DAB1: variants seen among roughly 807,000 people sequenced by gnomAD.
The protein encoded by DAB1 is DAB adaptor protein 1, also known as disabled homolog 1.
In DAB1, 15 loss-of-function variants were observed where a neutral mutation model predicts 64.6. The ratio of observed to expected loss-of-function variants is 0.23; its 90% confidence interval spans 0.16 to 0.36. DAB1 has a LOEUF of 0.36. DAB1 is among the 10% of genes least tolerant of loss of function. The probability of loss-of-function intolerance (pLI) is 1.00; values close to 1 mark genes in which losing one functional copy is unlikely to be tolerated. For synonymous variants in DAB1, 235 were observed against 251.9 expected, an observed-to-expected ratio of 0.93 and a Z score of 0.64; for missense variants, 596 against 706.7, an observed-to-expected ratio of 0.84 and a Z score of 1.78.
intron 1 of DAB1, among the ~76,000 whole-genome samples, chr1:57,877,266 T>A (rs1644061854): frequency 6.6e-6 from 1 of 152,118 alleles, no homozygotes; most frequent in African/African-American, 2.4e-5. Context: ...AGTTGCCTAG[T>A]TTTGAAAGCC....
Position 57,566,311 on chromosome 1 carries a change from A to C in DAB1, n.625+83281T>G, listed in dbSNP as rs928897743. Among the ~76,000 whole-genome samples the C allele has an allele frequency of 5.3e-5, 8 of 152,280 alleles. 1 individual carries two copies. The South Asian group carries it at 6.2e-4, about 12-fold the overall frequency. Reference sequence around the variant, plus strand: ...GGAAATTTATAGCACTAAATGCCCAAAAGAGAAAGGAGGAAAGATCTAAAA... The same window carrying C: ...GGAAATTTATAGCACTAAATGCCCACAAGAGAAAGGAGGAAAGATCTAAAA... On this transcript the variant is annotated intron_variant and non_coding_transcript_variant, in intron 7 of 20. Transcript: ENST00000485760.
In DAB1 at chr1:57,072,546, A is replaced by G. The variant is rs560713760; in HGVS notation, c.307-132T>C. 5.0e-5 allele frequency: 42 copies of G among 847,386 alleles called. No homozygotes were observed. The East Asian group carries it at 1.1e-3, about 23-fold the overall frequency. 52.5% of individuals were successfully genotyped at this position (847,386 alleles called of 1,614,324 possible). Reference sequence around the variant, plus strand: ...TGGAAAAGCTGTTTAGTCCAGATGGAAAGAAAAAGAGCTATGCCTGTCCTT... The same window carrying G: ...TGGAAAAGCTGTTTAGTCCAGATGGGAAGAAAAAGAGCTATGCCTGTCCTT... On this transcript the variant is annotated intron_variant, in intron 4 of 14. Transcript: ENST00000371236.
chr1:57,316,793 C>CTG lies in DAB1; in HGVS notation c.-136-25628_-136-25627insCA, dbSNP rs1675250050. Among the ~76,000 whole-genome samples the CTG allele has an allele frequency of 2.6e-5, 4 of 152,208 alleles. No homozygotes were observed. The South Asian group carries it at 8.3e-4, about 32-fold the overall frequency. On this transcript the variant is annotated intron_variant, in intron 1 of 14. Transcript: ENST00000371236. ...TCAAACCAACAGTGACGGCAACCTA[C>CTG]ATAAGGGCATAGACATTCAGATTCT...
chr1:57,161,424 G>C (rs1196806792), intron 2 of DAB1, among the ~76,000 whole-genome samples: 4 of 152,158 alleles, frequency 2.6e-5, no homozygotes, highest in African/African-American at 9.7e-5. Context: ...CTGTAAGACA[G>C]AGCAGGGTGA....
intron 5 of DAB1, among the ~76,000 whole-genome samples, chr1:57,990,474 G>A (rs1646316307): frequency 6.6e-6 from 1 of 152,204 alleles, no homozygotes; most frequent in African/African-American, 2.4e-5. Context: ...TACATACACT[G>A]TTTTTATCCT....
chr1:58,431,760 C>T (rs1187992560), intron 3 of DAB1, among the ~76,000 whole-genome samples: 1 of 151,820 alleles, frequency 6.6e-6, no homozygotes, highest in African/African-American at 2.4e-5. Context: ...CTTTCTTCCT[C>T]CCTCCCTTCT....
intron 1 of DAB1, among the ~76,000 whole-genome samples, chr1:57,882,049 A>C (rs1244193073): frequency 6.6e-6 from 1 of 152,192 alleles, no homozygotes; most frequent in African/African-American, 2.4e-5. Context: ...TTCTTTGATA[A>C]AGGTAAAGAA....
At chr1:57,101,602 C>T (rs921383089) in intron 4 of DAB1, among the ~76,000 whole-genome samples, 3 of 152,212 alleles carry the variant, frequency 2.0e-5, no homozygotes, top group African/African-American at 7.2e-5. Flanking sequence ...GCTATAGATT[C>T]AGATAAGCAA....
intron 7 of DAB1, among the ~76,000 whole-genome samples, chr1:57,468,230 C>A (rs1179801575): frequency 2.6e-5 from 4 of 152,148 alleles, no homozygotes; most frequent in East Asian, 1.9e-4. Context: ...TGAATGAATA[C>A]AAGAAGGAGA....
At chr1:58,375,136 T>A (rs1185636613) in intron 3 of DAB1, among the ~76,000 whole-genome samples, 3 of 149,674 alleles carry the variant, frequency 2.0e-5, no homozygotes, top group Admixed American at 1.3e-4. Context: ...ACAGGGACAA[T>A]TTGACTTGCT....
intron 6 of DAB1, among the ~76,000 whole-genome samples, chr1:57,772,507 G>GAT (rs1251682405): frequency 2.0e-5 from 3 of 152,106 alleles, no homozygotes; most frequent in Non-Finnish European, 4.4e-5. Context: ...TCTATGTAAA[G>GAT]ATATATGTTT....
chr1:58,448,729 G>A (rs1370602074), intron 3 of DAB1, among the ~76,000 whole-genome samples: 1 of 152,202 alleles, frequency 6.6e-6, no homozygotes, highest in Non-Finnish European at 1.5e-5. Flanking sequence ...TAATGTCTCA[G>A]AAATAAGGGG....
intron 4 of DAB1, among the ~76,000 whole-genome samples, chr1:58,263,377 TC>T (rs1661092460): frequency 6.6e-6 from 1 of 152,078 alleles, no homozygotes; most frequent in African/African-American, 2.4e-5. Context: ...ATTTTTCCTC[TC>T]CCTGAATCAC....
intron 5 of DAB1, among the ~76,000 whole-genome samples, chr1:58,136,352 C>T (rs1470409973): frequency 1.3e-5 from 2 of 152,094 alleles, no homozygotes; most frequent in East Asian, 1.9e-4. Flanking sequence ...CCTACGCTGC[C>T]GAAGTATTTT....
Position 57,497,835 on chromosome 1 carries a change from C to T in DAB1, n.625+151757G>A, listed in dbSNP as rs1644247858. On this transcript the variant is annotated intron_variant and non_coding_transcript_variant, in intron 7 of 20. Coordinates refer to the DAB1 transcript ENST00000485760. ...GGCCTATATCCTGTGTCATGGGAAG[C>T]CATTGGAGGATTTTAATCAGAGATG... 2.0e-5 allele frequency among the ~76,000 whole-genome samples: 3 copies of T among 152,104 alleles called. No individual in the cohort carries two copies. In the South Asian group the frequency reaches 6.2e-4, roughly 32 times the overall value.
chr1:57,393,957 T>C (rs905152398), intron 1 of DAB1, among the ~76,000 whole-genome samples: 3 of 152,178 alleles, frequency 2.0e-5, no homozygotes, highest in African/African-American at 7.2e-5. Context: ...TATAGGTAGA[T>C]CTACATGTGT....
At position 58,439,003 on chromosome 1, in the gene DAB1, G is replaced by A. The variant is rs572343124; in HGVS notation, n.257+67057C>T. Among the ~76,000 whole-genome samples, 5 of 152,228 alleles carry A rather than the reference G, an allele frequency of 3.3e-5. No homozygotes were observed. In the East Asian group the frequency reaches 9.7e-4, roughly 29 times the overall value. ...GGGTGGCATGAGGTGGGACTGCGAG[G>A]GGGTGGGGGCCAGGGCCTGGGAGCT... On this transcript the variant is annotated intron_variant and non_coding_transcript_variant, in intron 3 of 20. Coordinates refer to the DAB1 transcript ENST00000485760.
intron 6 of DAB1, among the ~76,000 whole-genome samples, chr1:57,803,390 A>G (rs1422211995): frequency 2.6e-5 from 4 of 152,144 alleles, no homozygotes; most frequent in Non-Finnish European, 5.9e-5. Flanking sequence ...AGAGTTTCTG[A>G]CCTCTTTCTC....
At chr1:57,783,124 T>TTTTA (rs1553128571) in intron 6 of DAB1, among the ~76,000 whole-genome samples, 1 of 147,746 alleles carries the variant, frequency 6.8e-6, no homozygotes, top group Non-Finnish European at 1.5e-5. Flanking sequence ...TTTTTTTTTT[T>TTTTA]ACAGGGTCTC....
Sources: allele counts gnomAD v4.1 joint callset (sites outside exome capture counted in the v4.1 genomes callset), GRCh38; gene constraint gnomAD v4.1.1; transcripts MANE v1.5; gene names NCBI Gene and HGNC (gene_info 2026-07-23, HGNC 2026-07-21).